CACNG3: variants seen among roughly 807,000 people sequenced by gnomAD.
CACNG3 encodes calcium voltage-gated channel auxiliary subunit gamma 3, also known as voltage-dependent calcium channel gamma-3 subunit.
A neutral mutation model predicts 28.5 loss-of-function variants in CACNG3; 3 were observed. The observed-to-expected ratio is 0.11, with a 90% CI of 0.05 to 0.27. The LOEUF (loss-of-function observed/expected upper bound fraction) is 0.27, where lower values mean the gene tolerates loss of function less well. Among genes scored for constraint, CACNG3 ranks in the 10% least tolerant of loss-of-function variants. The pLI is 1.00. For missense variants in CACNG3, 236 were observed against 414.4 expected (o/e 0.57, Z 3.74); for synonymous variants, 174 against 162.2 (o/e 1.07, Z -0.55).
At chr16:24,262,880 G>T (rs1489540547) in intron 1 of CACNG3, among the ~76,000 whole-genome samples, 1 of 152,142 alleles carries the variant, frequency 6.6e-6, no homozygotes, top group African/African-American at 2.4e-5. Flanking sequence ...TCATTCCAAG[G>T]TTGGGTGACC....
chr16:24,356,568 G>T (rs541693857), intron 3 of CACNG3, among the ~76,000 whole-genome samples: 2 of 152,270 alleles, frequency 1.3e-5, no homozygotes, highest in South Asian at 2.1e-4. Flanking sequence ...TAGGCCTGGT[G>T]GTGGGTGCCT....
In CACNG3 at chr16:24,256,886, T is replaced by C; in HGVS notation, c.132T>C (p.Ser44=). The change falls in exon 1 of 4, where the codon TCT becomes TCC. Residue 44 remains serine (S), a synonymous_variant. Coordinates refer to ENST00000005284, the MANE Select transcript of CACNG3 (RefSeq NM_006539.4). This position sits in a 1 kb window ranked among gnomAD's most constrained non-coding sequence, Gnocchi z 4.6. ...LYSRGVCRTK[S]TSDNETSRKN... is the part of the protein sequence containing the mutation. ...CCAGAGGTGTGTGCAGGACTAAATC[T>C]ACAAGTGATAATGAAACCAGCAGGA... 3 of 1,613,912 alleles carry C rather than the reference T, an allele frequency of 1.9e-6. No homozygotes were observed. The highest frequency in any genetic ancestry group is 2.5e-6 in the Non-Finnish European group (3 of 1,179,770).
intron 1 of CACNG3, among the ~76,000 whole-genome samples, chr16:24,302,114 C>G (rs982862920): frequency 1.3e-5 from 2 of 152,234 alleles, no homozygotes; most frequent in Non-Finnish European, 2.9e-5. Flanking sequence ...TGGAAAGCAG[C>G]AAAAGTCACT....
At chr16:24,265,457 AGAAG>A (rs894164802) in intron 1 of CACNG3, among the ~76,000 whole-genome samples, 8 of 147,696 alleles carry the variant, frequency 5.4e-5, no homozygotes, top group African/African-American at 2.0e-4. Flanking sequence ...AAAAGAAAGA[AGAAG>A]GAAGGAAGGA....
chr16:24,300,301 C>T (rs944308723), intron 1 of CACNG3, among the ~76,000 whole-genome samples: 5 of 152,174 alleles, frequency 3.3e-5, no homozygotes, highest in Non-Finnish European at 5.9e-5. Flanking sequence ...CGAATCTGTA[C>T]ACAGGGGCCC....
In CACNG3 at chr16:24,356,692, A is replaced by C. The variant is rs921743992; in HGVS notation, c.436+1719A>C. ...ACTCCAGCCTGGGTGACAGAGCAAG[A>C]CCCTGTCTCAAAATAGTCGTAATCA... is the stretch of plus-strand genomic sequence containing the variant. On this transcript the variant is annotated intron_variant, in intron 3 of 3. Coordinates refer to ENST00000005284, the MANE Select transcript of CACNG3 (RefSeq NM_006539.4). Among the ~76,000 whole-genome samples, 19 of 151,770 alleles carry C rather than the reference A, an allele frequency of 1.3e-4. 1 individual carries two copies. The highest frequency in any genetic ancestry group is 1.0e-3 in the Admixed American group (16 of 15,246).
intron 1 of CACNG3, among the ~76,000 whole-genome samples, chr16:24,281,472 A>T (rs2141351310): frequency 6.6e-6 from 1 of 152,124 alleles, no homozygotes. Context: ...AGCCTTCCAA[A>T]GTGCTAGGAT....
intron 1 of CACNG3, among the ~76,000 whole-genome samples, chr16:24,299,615 G>A (rs530913646): frequency 1.3e-5 from 2 of 152,312 alleles, no homozygotes; most frequent in African/African-American, 4.8e-5. Context: ...AGCAACCCAT[G>A]TAAATAGACA....
chr16:24,260,678 C>T (rs964392703), intron 1 of CACNG3, among the ~76,000 whole-genome samples: 14 of 152,232 alleles, frequency 9.2e-5, no homozygotes, highest in African/African-American at 3.4e-4. Flanking sequence ...TCTCAGAGCA[C>T]TCACTGTGCC....
intron 3 of CACNG3, among the ~76,000 whole-genome samples, chr16:24,356,577 C>A (rs561351291): frequency 6.6e-6 from 1 of 152,084 alleles, no homozygotes; most frequent in Non-Finnish European, 1.5e-5. Context: ...TGGTGGGTGC[C>A]TATAGTTCCA....
At chr16:24,341,355 C>T (rs1899784712) in intron 1 of CACNG3, among the ~76,000 whole-genome samples, 1 of 151,708 alleles carries the variant, frequency 6.6e-6, no homozygotes, top group African/African-American at 2.4e-5. Context: ...GATTCCTTTT[C>T]CTTCTATATT....
chr16:24,282,789 C>G (rs9933084), intron 1 of CACNG3, among the ~76,000 whole-genome samples: 38,626 of 151,936 alleles, frequency 0.25, 5,180 homozygotes, highest in East Asian at 0.45. Context: ...TCTGAACCTT[C>G]TATTCTTTTC....
chr16:24,268,597 T>C (rs754167235), intron 1 of CACNG3, among the ~76,000 whole-genome samples: 1 of 152,180 alleles, frequency 6.6e-6, no homozygotes, highest in Non-Finnish European at 1.5e-5. Flanking sequence ...GCCAATAAAA[T>C]TGAGACATCG....
chr16:24,265,270 A>AGAAG lies in CACNG3; in HGVS notation c.211+8319_211+8322dup, dbSNP rs773606452. Among the ~76,000 whole-genome samples, 67 of 140,880 alleles carry AGAAG rather than the reference A, an allele frequency of 4.8e-4. 1 individual carries two copies. Among genetic ancestry groups the AGAAG allele is most frequent in the African/African-American group, 1.6e-3 (52 of 32,078 alleles). 92.4% of individuals were successfully genotyped at this position (140,880 alleles called of 152,430 possible). A position where few individuals can be genotyped will look rare whatever the true frequency, so the allele number is the denominator to read the frequency against. On this transcript the variant is annotated intron_variant, in intron 1 of 3. Transcript: ENST00000005284. ...AAGAAAGAAAAAGAAAAGAAGCGAG[A>AGAAG]GAAGGAAGGAAGGAAGGGAGGAAGG...
intron 1 of CACNG3, among the ~76,000 whole-genome samples, chr16:24,341,836 A>T (rs1362839673): frequency 1.3e-5 from 2 of 152,222 alleles, no homozygotes; most frequent in Non-Finnish European, 2.9e-5. Flanking sequence ...GTTTACACCC[A>T]GTCTAAAGAG....
In CACNG3 at chr16:24,361,892, AG is replaced by A. The variant is rs1447400952; in HGVS notation, c.*30del. 1 of 1,574,988 alleles carries A rather than the reference AG, an allele frequency of 6.3e-7. No individual in the cohort carries two copies. Among genetic ancestry groups the A allele is most frequent in the Non-Finnish European group, 8.6e-7 (1 of 1,164,958 alleles). On this transcript the variant is annotated 3_prime_UTR_variant, in exon 4 of 4. Coordinates refer to ENST00000005284, the MANE Select transcript of CACNG3 (RefSeq NM_006539.4). This position sits in a 1 kb window ranked among gnomAD's most constrained non-coding sequence, Gnocchi z 6.8. ...GACCTCTGACCTCTGCCCCACGCCC[AG>A]CACAGCCTTGGGGGAAGTGTACAGA...
intron 1 of CACNG3, among the ~76,000 whole-genome samples, chr16:24,289,321 AAG>A (rs1678861826): frequency 2.6e-5 from 4 of 152,192 alleles, no homozygotes; most frequent in South Asian, 4.1e-4. Flanking sequence ...AAAAAAGAAA[AAG>A]AAAAAAAATC....
At chr16:24,265,383 AAAAG>A (rs1196597081) in intron 1 of CACNG3, among the ~76,000 whole-genome samples, 5 of 150,648 alleles carry the variant, frequency 3.3e-5, no homozygotes, top group South Asian at 2.1e-4. Flanking sequence ...AGAAAGAAAG[AAAAG>A]AAAGAAGAAA....
intron 1 of CACNG3, among the ~76,000 whole-genome samples, chr16:24,313,823 C>A (rs1030824182): frequency 1.3e-5 from 2 of 152,010 alleles, no homozygotes; most frequent in African/African-American, 2.4e-5. Context: ...CGGCTCACTG[C>A]AACCTCCATC....
Sources: allele counts gnomAD v4.1 joint callset (sites outside exome capture counted in the v4.1 genomes callset), GRCh38; gene constraint gnomAD v4.1.1; non-coding constraint Gnocchi (gnomAD v3.1); transcripts MANE v1.5; gene names NCBI Gene and HGNC (gene_info 2026-07-23, HGNC 2026-07-21).